The following TNFRSF10B variants were observed in gnomAD, a reference collection of about 807,000 sequenced individuals.
The protein encoded by TNFRSF10B is TNF receptor superfamily member 10b, also known as tumor necrosis factor receptor superfamily member 10B.
Under a neutral mutation model 41.4 loss-of-function variants are expected in TNFRSF10B, and 35 were observed. The observed-to-expected ratio is 0.85, with a 90% confidence interval of 0.65 to 1.12. TNFRSF10B has a LOEUF of 1.12. TNFRSF10B is among the 50% of genes most tolerant of loss of function. The pLI, the probability that TNFRSF10B is intolerant of heterozygous loss-of-function variation, is 0.00. For synonymous variants in TNFRSF10B, 230 were observed against 215.5 expected (o/e 1.07, Z -0.59); for missense variants, 584 against 552.7 (o/e 1.06, Z -0.57).
chr8:23,026,411 G>C (rs1323298427), intron 7 of TNFRSF10B, among the ~76,000 whole-genome samples: 1 of 152,034 alleles, frequency 6.6e-6, no homozygotes, highest in Non-Finnish European at 1.5e-5. Flanking sequence ...CTTGGAAGAA[G>C]GAAACAGAGA....
rs141974149 is a variant in TNFRSF10B, at chr8:23,033,836, A to G, written c.251-2964T>C. On this transcript the variant is annotated intron_variant, in intron 2 of 8. Transcript: ENST00000276431. ...GAGAGAGAGAGCGAGCAAGCGAGAGAGAGCAAGTTGTCTGGGTCTTTTCTT... is the reference window on the plus strand; with the variant it reads ...GAGAGAGAGAGCGAGCAAGCGAGAGGGAGCAAGTTGTCTGGGTCTTTTCTT... Among the ~76,000 whole-genome samples, 605 of 152,138 alleles carry G rather than the reference A, an allele frequency of 4.0e-3. 3 individuals are homozygous for G. The highest frequency in any genetic ancestry group is 0.012 in the African/African-American group (511 of 41,510).
At chr8:23,028,023 C>A in intron 5 of TNFRSF10B, 1 of 601,432 alleles carries the variant, frequency 1.7e-6, no homozygotes, top group South Asian at 2.0e-5. Flanking sequence ...CATCCTCACC[C>A]TTGTCACCCA....
chr8:23,028,471 C>T lies in TNFRSF10B; in HGVS notation c.608G>A (p.Gly203Glu), dbSNP rs1422622965. The T allele has an allele frequency of 3.7e-6, 6 of 1,614,094 alleles. No individual in the cohort carries two copies. The highest frequency in any genetic ancestry group is 1.6e-4 in the Middle Eastern group (1 of 6,062). The part of the protein sequence containing the change: ...AVEETVTSSP[G>E]TPASPCSLSG... The stretch of plus-strand genomic sequence containing the variant: ...GAGAGAACAGGGAGAGGCAGGAGTC[C>T]CTGGGCTGGAGGTCACCGTCTCCTC... Residue 203 changes from glycine (G) to glutamate (E), a missense_variant, in exon 5 of 9, where the codon GGG (glycine) becomes GAG (glutamate). By Grantham distance (98) the Gly-to-Glu change is moderately conservative. Coordinates refer to ENST00000276431, the MANE Select transcript of TNFRSF10B (RefSeq NM_003842.5).
At chr8:23,047,979 A>G (rs1177718302) in intron 1 of TNFRSF10B, among the ~76,000 whole-genome samples, 2 of 152,238 alleles carry the variant, frequency 1.3e-5, no homozygotes, top group Non-Finnish European at 2.9e-5. Context: ...ATAAATGGAT[A>G]AAGAAAATGT....
chr8:23,022,766 C>T lies in TNFRSF10B; in HGVS notation c.1228G>A (p.Gly410Arg). The change falls in exon 9 of 9, where the codon GGA (glycine) becomes AGA (arginine). Residue 410 changes from glycine (G) to arginine (R), a missense_variant. Gly to Arg is a moderately radical substitution (Grantham distance 125). Transcript: ENST00000276431. ...HTLLDALETL[G>R]ERLAKQKIED... is the part of the protein sequence containing the mutation. ...ATCTTCTGCTTGGCAAGTCTCTCTCCCAGCGTCTCCAAGGCATCCAGCAGG... is the reference window on the plus strand; with the variant it reads ...ATCTTCTGCTTGGCAAGTCTCTCTCTCAGCGTCTCCAAGGCATCCAGCAGG... 1.9e-6 allele frequency: 3 copies of T among 1,613,928 alleles called. No homozygotes were observed. Among genetic ancestry groups the T allele is most frequent in the Non-Finnish European group, 2.5e-6 (3 of 1,179,940 alleles).
In TNFRSF10B at chr8:23,023,051, C is replaced by G. The variant is rs956206711; in HGVS notation, c.1010-67G>C. ...TCAGAAAGGGCAGAGGATTCCACAT[C>G]AGGCCCAGAACCCAAGGCGGGGAAC... is the stretch of plus-strand genomic sequence containing the variant. On this transcript the variant is annotated intron_variant, in intron 8 of 8. Transcript: ENST00000276431. 7.6e-6 allele frequency: 12 copies of G among 1,579,156 alleles called. No individual in the cohort carries two copies. In the African/African-American group the frequency reaches 8.1e-5, roughly 11 times the overall value.
In TNFRSF10B at chr8:23,020,274, A is replaced by G. The variant is rs1330629180; in HGVS notation, c.*2397T>C. 1 of 454,020 alleles carries G rather than the reference A, an allele frequency of 2.2e-6. No individual in the cohort carries two copies. The highest frequency in any genetic ancestry group is 6.9e-5 in the East Asian group (1 of 14,416). The allele number at this position is 454,020 out of a possible 1,614,324, so 28.1% of individuals were successfully genotyped here. The stretch of plus-strand genomic sequence containing the variant: ...AGGGCAGAAGCATGAAAGGACACCA[A>G]CCACGAGTGACACACTATACTATGG... On this transcript the variant is annotated 3_prime_UTR_variant, in exon 9 of 9. Transcript: ENST00000276431.
rs570707174 is a variant in TNFRSF10B at position 23,030,641 on chromosome 8, T to C, written c.364+118A>G. 3 of 746,198 alleles carry C rather than the reference T, an allele frequency of 4.0e-6. No individual in the cohort carries two copies. In the African/African-American group the frequency reaches 5.2e-5, roughly 13 times the overall value. 46.2% of individuals were successfully genotyped at this position (746,198 alleles called of 1,614,324 possible). A position where few individuals can be genotyped will look rare whatever the true frequency, so the allele number is the denominator to read the frequency against. On this transcript the variant is annotated intron_variant, in intron 3 of 8. Transcript: ENST00000276431. The stretch of plus-strand genomic sequence containing the variant: ...AGCTCAAAGACAAAATCATGGAACA[T>C]GGTATGATGAAGACCAAGGTGGACC...
At chr8:23,036,019 G>C (rs1247655748) in intron 2 of TNFRSF10B, among the ~76,000 whole-genome samples, 2 of 152,174 alleles carry the variant, frequency 1.3e-5, no homozygotes, top group East Asian at 1.9e-4. Flanking sequence ...TGAACCTTTA[G>C]TAGCCCACTC....
chr8:23,046,143 G>C (rs971563100), intron 1 of TNFRSF10B, among the ~76,000 whole-genome samples: 1 of 152,178 alleles, frequency 6.6e-6, no homozygotes, highest in African/African-American at 2.4e-5. Context: ...AAAGGAAGAA[G>C]TAAAATTGTC....
chr8:23,023,090 T>C (rs1284375723), intron 8 of TNFRSF10B, 106 bp from the exon 9 acceptor site: 3 of 1,423,618 alleles, frequency 2.1e-6, no homozygotes, highest in Non-Finnish European at 2.9e-6. Context: ...GAGAGCCCCG[T>C]GTGCGGGCAA....
intron 1 of TNFRSF10B, among the ~76,000 whole-genome samples, chr8:23,046,649 G>A (rs570520768): frequency 2.9e-4 from 42 of 144,762 alleles, no homozygotes; most frequent in African/African-American, 1.0e-3. Context: ...AATAGCCAAG[G>A]CAATCATGAT....
Position 23,049,354 on chromosome 8 carries a change from T to C in TNFRSF10B, c.145-6111A>G, listed in dbSNP as rs550550403. ...TGAAGAAATTCTTAACAAGGACTCA[T>C]TTAGGATTAAACAAGTTTTACTGGG... is the stretch of plus-strand genomic sequence containing the variant. On this transcript the variant is annotated intron_variant, in intron 1 of 8. Transcript: ENST00000276431. 2.0e-5 allele frequency among the ~76,000 whole-genome samples: 3 copies of C among 152,146 alleles called. No individual in the cohort carries two copies. In the East Asian group the frequency reaches 5.8e-4, roughly 30 times the overall value.
At chr8:23,023,175 A>G (rs1370639193) in intron 8 of TNFRSF10B, among the ~76,000 whole-genome samples, 191 bp from the exon 9 acceptor site, 2 of 144,664 alleles carry the variant, frequency 1.4e-5, no homozygotes, top group South Asian at 2.3e-4. Context: ...CCCCACACGC[A>G]AGGCACTGCG....
In TNFRSF10B at chr8:23,030,929, C is replaced by T. The variant is rs1390019748; in HGVS notation, c.251-57G>A. On this transcript the variant is annotated intron_variant, in intron 2 of 8. Transcript: ENST00000276431. ...ATGCCACAGGATTCCCAGAAGCTGG[C>T]AGTGGTGGCTGGGGGACTCCTCTTT... is the stretch of plus-strand genomic sequence containing the variant. The T allele has an allele frequency of 3.8e-6, 5 of 1,301,402 alleles. No individual in the cohort carries two copies. In the East Asian group the frequency reaches 1.2e-4, roughly 31 times the overall value. The allele number at this position is 1,301,402 out of a possible 1,614,324, so 80.6% of individuals were successfully genotyped here.
At chr8:23,039,109 G>C (rs1287040001) in intron 2 of TNFRSF10B, among the ~76,000 whole-genome samples, 1 of 151,814 alleles carries the variant, frequency 6.6e-6, no homozygotes. Context: ...CTCATAAGGA[G>C]TGCGCAACCT....
In TNFRSF10B at chr8:23,024,382, G is replaced by C. The variant is rs182829869; in HGVS notation, c.937-122C>G. On this transcript the variant is annotated intron_variant, in intron 7 of 8. Transcript: ENST00000276431. ...TCACTTCCAGAACATTGTTCTGAAAGGTCTGGCAACAAGACAGGAGACAAA... is the reference window on the plus strand; with the variant it reads ...TCACTTCCAGAACATTGTTCTGAAACGTCTGGCAACAAGACAGGAGACAAA... 140 of 1,101,654 alleles carry C rather than the reference G, an allele frequency of 1.3e-4. No individual in the cohort carries two copies. The East Asian group carries it at 3.2e-3, about 25-fold the overall frequency. 68.2% of individuals were successfully genotyped at this position (1,101,654 alleles called of 1,614,324 possible). A position where few individuals can be genotyped will look rare whatever the true frequency, so the allele number is the denominator to read the frequency against.
At chr8:23,024,931 C>A (rs1431904229) in intron 7 of TNFRSF10B, among the ~76,000 whole-genome samples, 1 of 152,088 alleles carries the variant, frequency 6.6e-6, no homozygotes, top group African/African-American at 2.4e-5. Context: ...TGCTTGAGCC[C>A]AGGAGTTTGA....
chr8:23,069,029 G>T lies in TNFRSF10B; in HGVS notation c.-135C>A. Reference sequence around the variant, plus strand: ...GCCGCGTGCTGATTTATGTGTCCAGGCTGACTTGGGGCGGCGCGGCTGTAC... The same window carrying T: ...GCCGCGTGCTGATTTATGTGTCCAGTCTGACTTGGGGCGGCGCGGCTGTAC... On this transcript the variant is annotated 5_prime_UTR_variant, in exon 1 of 9. Coordinates refer to ENST00000276431, the MANE Select transcript of TNFRSF10B (RefSeq NM_003842.5). The T allele has an allele frequency of 7.0e-7, 1 of 1,422,850 alleles. No individual in the cohort carries two copies. Among genetic ancestry groups the T allele is most frequent in the Non-Finnish European group, 9.7e-7 (1 of 1,034,228 alleles). 88.1% of individuals were successfully genotyped at this position (1,422,850 alleles called of 1,614,324 possible).
Sources: gnomAD v4.1 joint callset for allele counts (sites outside exome capture counted in the v4.1 genomes callset) on GRCh38, gnomAD v4.1.1 for gene constraint, MANE v1.5 for transcripts, NCBI Gene and HGNC (gene_info 2026-07-23, HGNC 2026-07-21) for gene names.